TNKS: variants seen among roughly 807,000 people sequenced by gnomAD.
The protein encoded by TNKS is tankyrase.
TNKS carries 72 observed loss-of-function variants against 135.8 expected under a neutral mutation model. The observed-to-expected ratio is 0.53, with a 90% CI of 0.44 to 0.64. TNKS has a LOEUF of 0.64. Among genes scored for constraint, TNKS ranks in the 30% least tolerant of loss-of-function variants. TNKS has a pLI of 0.00. For missense variants in TNKS, 1,769 were observed against 1,674.0 expected (o/e 1.06, Z -0.99); for synonymous variants, 849 against 649.3 (o/e 1.31, Z -4.68).
intron 26 of TNKS, among the ~76,000 whole-genome samples, chr8:9,772,752 G>A (rs945616792): frequency 1.3e-4 from 20 of 151,048 alleles, no homozygotes; most frequent in African/African-American, 4.9e-4. Flanking sequence ...AGGGATAAAG[G>A]ACCATGATGA....
rs139735906 is a variant in TNKS, at chr8:9,697,148, A to G, written c.1108-7515A>G. Among the ~76,000 whole-genome samples the G allele has an allele frequency of 1.8e-3, 271 of 152,302 alleles. 3 individuals carry two copies. The highest frequency in any genetic ancestry group is 6.1e-3 in the African/African-American group (252 of 41,570). ...ATAGGAAGCTCAGAAATTAAGCCAC[A>G]TACCTATAATCATCTGATCTTCCAC... On this transcript the variant is annotated intron_variant, in intron 5 of 26. Transcript: ENST00000310430.
At chr8:9,671,797 C>G (rs551387089) in intron 3 of TNKS, among the ~76,000 whole-genome samples, 2 of 152,196 alleles carry the variant, frequency 1.3e-5, no homozygotes, top group African/African-American at 4.8e-5. Flanking sequence ...ATAGTAGTCA[C>G]CCCTTATCCA....
rs902845699 is a variant in TNKS at position 9,766,523 on chromosome 8, G to A, written c.3740+98G>A. 6.2e-6 allele frequency: 7 copies of A among 1,132,270 alleles called. No homozygotes were observed. In the African/African-American group the frequency reaches 1.4e-4, roughly 22 times the overall value. The allele number at this position is 1,132,270 out of a possible 1,614,324, so 70.1% of individuals were successfully genotyped here. On this transcript the variant is annotated intron_variant, in intron 25 of 26. Transcript: ENST00000310430. ...TTTTTTGAGATGAAGTCTTGCTCTT[G>A]TCACCCAGGCTGGAGTGCGGTGGCA...
intron 17 of TNKS, among the ~76,000 whole-genome samples, chr8:9,742,055 T>A (rs1331208122): frequency 6.6e-6 from 1 of 152,206 alleles, no homozygotes; most frequent in Non-Finnish European, 1.5e-5. Flanking sequence ...GATCAAAAAA[T>A]TCTCCAGGCC....
At chr8:9,615,745 G>T in intron 3 of TNKS, 68 bp downstream of exon 3, 1 of 1,305,084 alleles carries the variant, frequency 7.7e-7, no homozygotes, top group Non-Finnish European at 1.1e-6. Flanking sequence ...ATAAAATCTT[G>T]TTATGCTGAA....
chr8:9,734,843 AT>A (rs763081900), intron 15 of TNKS, 21 bp from the exon 16 acceptor site: 2 of 1,597,420 alleles, frequency 1.3e-6, no homozygotes, highest in African/African-American at 2.7e-5. Context: ...TACAAACCCC[AT>A]TTGGTTTTTC....
At chr8:9,651,195 A>G (rs1324877116) in intron 3 of TNKS, among the ~76,000 whole-genome samples, 3 of 152,116 alleles carry the variant, frequency 2.0e-5, no homozygotes, top group Non-Finnish European at 4.4e-5. Context: ...GAGTAGTACA[A>G]AATTTTAAAT....
At chr8:9,742,198 C>CA (rs1200086393) in intron 17 of TNKS, among the ~76,000 whole-genome samples, 2 of 151,952 alleles carry the variant, frequency 1.3e-5, no homozygotes, top group African/African-American at 2.4e-5. Context: ...TTGAGTCACT[C>CA]AAAAATTTTT....
intron 1 of TNKS, among the ~76,000 whole-genome samples, chr8:9,575,894 A>T (rs1289224227): frequency 2.0e-5 from 3 of 152,218 alleles, no homozygotes; most frequent in Non-Finnish European, 4.4e-5. Flanking sequence ...TAGGAAATTC[A>T]AGAGTTGGTT....
At chr8:9,565,253 C>G (rs937655489) in intron 1 of TNKS, among the ~76,000 whole-genome samples, 2 of 151,932 alleles carry the variant, frequency 1.3e-5, no homozygotes, top group African/African-American at 2.4e-5. Flanking sequence ...TGTCAGCTCC[C>G]CATTCAATTT....
At chr8:9,719,530 A>C (rs1753074949) in intron 11 of TNKS, among the ~76,000 whole-genome samples, 1 of 152,224 alleles carries the variant, frequency 6.6e-6, no homozygotes, top group Non-Finnish European at 1.5e-5. Flanking sequence ...TCAGAAAAGG[A>C]GTAATCAAAG....
chr8:9,752,998 G>C (rs887010809), intron 20 of TNKS, among the ~76,000 whole-genome samples: 4 of 148,510 alleles, frequency 2.7e-5, no homozygotes, highest in African/African-American at 9.9e-5. Context: ...CTTATTAATT[G>C]CCACCCACCT....
chr8:9,715,678 G>T (rs574611496), intron 11 of TNKS, among the ~76,000 whole-genome samples: 1 of 152,226 alleles, frequency 6.6e-6, no homozygotes, highest in South Asian at 2.1e-4. Flanking sequence ...AGGGGAATAA[G>T]GGCAATATTC....
intron 1 of TNKS, among the ~76,000 whole-genome samples, chr8:9,578,212 G>C (rs1019093981): frequency 1.3e-5 from 2 of 152,174 alleles, no homozygotes; most frequent in African/African-American, 4.8e-5. Context: ...GCTTTATTCA[G>C]ATCCGTAGAG....
chr8:9,580,583 A>G (rs1798128213), intron 2 of TNKS, among the ~76,000 whole-genome samples, 200 bp downstream of exon 2: 1 of 152,200 alleles, frequency 6.6e-6, no homozygotes, highest in Non-Finnish European at 1.5e-5. Context: ...AACTTTCCAA[A>G]TGCAGTCAAA....
chr8:9,731,016 G>A lies in TNKS; in HGVS notation c.2128G>A (p.Val710Ile). The A allele has an allele frequency of 6.2e-7, 1 of 1,610,948 alleles. No homozygotes were observed. The highest frequency in any genetic ancestry group is 8.5e-7 in the Non-Finnish European group (1 of 1,178,464). Residue 710 changes from valine (V) to isoleucine (I), a missense_variant, in exon 14 of 27, where the codon GTC becomes ATC. Transcript: ENST00000310430. ...VEYLLHHGAD[V>I]HAKDKGGLVP... ...GTACCTGCTACACCACGGTGCCGATGTCCATGCCAAAGACAAGGGGTACGT... is the reference window on the plus strand; with the variant it reads ...GTACCTGCTACACCACGGTGCCGATATCCATGCCAAAGACAAGGGGTACGT...
At position 9,696,318 on chromosome 8, in the gene TNKS, G is replaced by A. The variant is rs529279479; in HGVS notation, c.1108-8345G>A. 2.6e-5 allele frequency among the ~76,000 whole-genome samples: 4 copies of A among 152,258 alleles called. No individual in the cohort carries two copies. In the South Asian group the frequency reaches 8.3e-4, roughly 32 times the overall value. ...AAATAAGGAGTGTGGTGAACTAGATGCCAAGGAAGAAAACATTTTAAGGAG... is the reference window on the plus strand; with the variant it reads ...AAATAAGGAGTGTGGTGAACTAGATACCAAGGAAGAAAACATTTTAAGGAG... On this transcript the variant is annotated intron_variant, in intron 5 of 26. Transcript: ENST00000310430.
chr8:9,597,475 T>C (rs1465787831), intron 2 of TNKS, among the ~76,000 whole-genome samples: 1 of 151,700 alleles, frequency 6.6e-6, no homozygotes, highest in Non-Finnish European at 1.5e-5. Context: ...CTTTGTAATT[T>C]TGTAAACTTG....
intron 3 of TNKS, among the ~76,000 whole-genome samples, chr8:9,645,656 A>G (rs1391532236): frequency 2.6e-5 from 4 of 152,166 alleles, no homozygotes; most frequent in Admixed American, 2.0e-4. Context: ...CATGGTCTAA[A>G]TGTATTTTCA....
Sources: gnomAD v4.1 joint callset for allele counts (sites outside exome capture counted in the v4.1 genomes callset) on GRCh38, gnomAD v4.1.1 for gene constraint, MANE v1.5 for transcripts, NCBI Gene and HGNC (gene_info 2026-07-23, HGNC 2026-07-21) for gene names.